CFAP57: variants seen among roughly 807,000 people sequenced by gnomAD.
CFAP57 encodes the protein cilia and flagella associated protein 57.
In CFAP57, 116 loss-of-function variants were observed where a neutral mutation model predicts 146.8. That is an observed-to-expected ratio of 0.79 (90% CI 0.68 to 0.92). The LOEUF (loss-of-function observed/expected upper bound fraction) is 0.92, where lower values mean the gene tolerates loss of function less well. Ranked by LOEUF, CFAP57 falls within the 40% of genes least tolerant of loss-of-function variation. The pLI, the probability that CFAP57 is intolerant of heterozygous loss-of-function variation, is 0.00. For synonymous variants in CFAP57, 518 were observed against 552.8 expected (o/e 0.94, Z 0.88); for missense variants, 1,377 against 1,527.2 (o/e 0.90, Z 1.64).
intron 6 of CFAP57, among the ~76,000 whole-genome samples, chr1:43,193,051 A>G (rs1643645456): frequency 6.6e-6 from 1 of 152,166 alleles, no homozygotes; most frequent in Non-Finnish European, 1.5e-5. Context: ...CTCTATTTTT[A>G]GGTGCACATA....
Position 43,219,547 on chromosome 1 carries a change from A to C in CFAP57, c.2247+10A>C. On this transcript the variant is annotated intron_variant, in intron 13 of 22. Transcript: ENST00000372492. ...GAAAACAAAAAACCAGGTCTGTTTAAGAGACTGACCAACAAGCACAAATAA... is the reference window on the plus strand; with the variant it reads ...GAAAACAAAAAACCAGGTCTGTTTACGAGACTGACCAACAAGCACAAATAA... 1 of 1,550,398 alleles carries C rather than the reference A, an allele frequency of 6.4e-7. No homozygotes were observed. The highest frequency in any genetic ancestry group is 8.7e-7 in the Non-Finnish European group (1 of 1,146,922).
At chr1:43,192,876 G>A (rs967401552) in intron 6 of CFAP57, among the ~76,000 whole-genome samples, 14 of 149,214 alleles carry the variant, frequency 9.4e-5, no homozygotes, top group Admixed American at 2.0e-4. Flanking sequence ...GCGGTGAGCC[G>A]AGATCATGCC....
chr1:43,210,422 C>G, intron 11 of CFAP57: 9 of 1,178,432 alleles, frequency 7.6e-6, no homozygotes, highest in Non-Finnish European at 9.5e-6. Context: ...TGGAAGCAAC[C>G]AAGCATCCAT....
rs569774728 is a variant in CFAP57, at chr1:43,222,873, A to T, written c.2582A>T (p.Lys861Met). ...QQLREFEETK[K>M]QIEEDEDREI... The stretch of plus-strand genomic sequence containing the variant: ...CTGCGGGAGTTTGAAGAGACCAAGA[A>T]GCAGATTGAGGAAGATGAAGACCGA... The change falls in exon 16 of 23, where the codon AAG (lysine) becomes ATG (methionine). Residue 861 changes from lysine to methionine, a missense_variant. By Grantham distance (95) the Lys-to-Met change is moderately conservative. Transcript: ENST00000372492. 210 of 1,550,304 alleles carry T rather than the reference A, an allele frequency of 1.4e-4. 1 individual carries two copies. The South Asian group carries it at 1.6e-3, about 12-fold the overall frequency.
In CFAP57 at chr1:43,234,301, T is replaced by C; in HGVS notation, c.3149T>C (p.Val1050Ala). The change falls in exon 20 of 23, where the codon GTC becomes GCC. Residue 1050 changes from valine to alanine, a missense_variant. Physicochemically the swap from Val to Ala is moderately conservative, Grantham distance 64. Transcript: ENST00000372492. ...RQKERDLEAL[V>A]KRFKTDLHNC... is the part of the protein sequence containing the mutation. ...CAGGAGCGAGACTTGGAAGCGCTGGTCAAAAGGTTTAAAACAGACCTCCAC... is the reference window on the plus strand; with the variant it reads ...CAGGAGCGAGACTTGGAAGCGCTGGCCAAAAGGTTTAAAACAGACCTCCAC... 1 of 1,547,172 alleles carries C rather than the reference T, an allele frequency of 6.5e-7. No homozygotes were observed. Among genetic ancestry groups the C allele is most frequent in the Non-Finnish European group, 8.7e-7 (1 of 1,145,920 alleles).
At chr1:43,224,875 G>A (rs1645185421) in intron 17 of CFAP57, among the ~76,000 whole-genome samples, 1 of 152,140 alleles carries the variant, frequency 6.6e-6, no homozygotes, top group Admixed American at 6.5e-5. Flanking sequence ...ACTAGGTCTG[G>A]CACAGGTTCC....
chr1:43,197,119 C>G (rs1643895665), intron 6 of CFAP57, among the ~76,000 whole-genome samples: 1 of 151,968 alleles, frequency 6.6e-6, no homozygotes, highest in African/African-American at 2.4e-5. Context: ...TTTGGGAGGC[C>G]AAGGTGGGCG....
At chr1:43,172,554 G>T in intron 1 of CFAP57, 101 bp downstream of exon 1, 1 of 889,632 alleles carries the variant, frequency 1.1e-6, no homozygotes, top group East Asian at 3.2e-5. Flanking sequence ...TGGCGCGGAG[G>T]AGGACCCCGG....
At position 43,199,513 on chromosome 1, in the gene CFAP57, T is replaced by C; in HGVS notation, c.1542+10T>C. 2 of 1,613,330 alleles carry C rather than the reference T, an allele frequency of 1.2e-6. No individual in the cohort carries two copies. Among genetic ancestry groups the C allele is most frequent in the East Asian group, 2.2e-5 (1 of 44,864 alleles). On this transcript the variant is annotated intron_variant, in intron 9 of 22. Coordinates refer to ENST00000372492, the MANE Select transcript of CFAP57 (RefSeq NM_001378189.1). ...AGGACACACAGGGAAGGTAAGTGAGTGAACAGTCTCTGGGGAAACAAGGGG... is the reference window on the plus strand; with the variant it reads ...AGGACACACAGGGAAGGTAAGTGAGCGAACAGTCTCTGGGGAAACAAGGGG...
intron 2 of CFAP57, 81 bp from the exon 3 acceptor site, chr1:43,181,453 C>T: frequency 2.0e-6 from 3 of 1,527,138 alleles, no homozygotes; most frequent in Admixed American, 3.5e-5. Flanking sequence ...CACTCCAGTG[C>T]CCACCACAGT....
At chr1:43,213,449 C>G (rs150263284) in intron 11 of CFAP57, among the ~76,000 whole-genome samples, 1 of 150,968 alleles carries the variant, frequency 6.6e-6, no homozygotes, top group South Asian at 2.1e-4. Flanking sequence ...CATTCATCCA[C>G]TGATGGACAC....
chr1:43,232,672 C>T (rs536412599), intron 19 of CFAP57, 48 bp downstream of exon 19: 17 of 1,404,774 alleles, frequency 1.2e-5, no homozygotes, highest in Non-Finnish European at 1.5e-5. Context: ...GGATCTGGCA[C>T]CTATCTGCAA....
rs759490412 is a variant in CFAP57 at position 43,224,037 on chromosome 1, C to T, written c.2707-9C>T. The stretch of plus-strand genomic sequence containing the variant: ...TAGTGGTCTTTGTTGTTGCTGTTCG[C>T]TTTTCTAGTTCAGCAGCCTACAGAA... On this transcript the variant is annotated splice_polypyrimidine_tract_variant and intron_variant, in intron 16 of 22. Coordinates refer to ENST00000372492, the MANE Select transcript of CFAP57 (RefSeq NM_001378189.1). 6.5e-7 allele frequency: 1 copy of T among 1,550,128 alleles called. No individual in the cohort carries two copies. The highest frequency in any genetic ancestry group is 2.0e-5 in the Admixed American group (1 of 50,942).
At chr1:43,237,759 A>C (rs1328973468) in intron 21 of CFAP57, among the ~76,000 whole-genome samples, 1 of 152,152 alleles carries the variant, frequency 6.6e-6, no homozygotes, top group East Asian at 1.9e-4. Context: ...CCAAGTGGAG[A>C]AGAACCCACT....
At chr1:43,235,830 T>C (rs928635886) in intron 21 of CFAP57, among the ~76,000 whole-genome samples, 1 of 152,162 alleles carries the variant, frequency 6.6e-6, no homozygotes, top group African/African-American at 2.4e-5. Flanking sequence ...GCAGGAGCAG[T>C]TGTCAGCTGC....
chr1:43,210,118 A>G (rs1644537555), intron 11 of CFAP57: 1 of 1,610,778 alleles, frequency 6.2e-7, no homozygotes, highest in Non-Finnish European at 8.5e-7. Context: ...GGAAATCATC[A>G]GAGATACACC....
chr1:43,180,555 A>C (rs1645362074), intron 2 of CFAP57, among the ~76,000 whole-genome samples: 1 of 151,920 alleles, frequency 6.6e-6, no homozygotes, highest in South Asian at 2.1e-4. Context: ...GCTTCACAAC[A>C]CGCCAAGGAG....
At chr1:43,187,993 A>G (rs1047544507) in intron 6 of CFAP57, among the ~76,000 whole-genome samples, 6 of 152,036 alleles carry the variant, frequency 3.9e-5, no homozygotes, top group African/African-American at 1.4e-4. Context: ...TAGTAGAGAC[A>G]GGGTTTTGCC....
intron 9 of CFAP57, among the ~76,000 whole-genome samples, chr1:43,205,607 C>T (rs1248649096): frequency 6.6e-6 from 1 of 152,188 alleles, no homozygotes; most frequent in Non-Finnish European, 1.5e-5. Context: ...CAGTTATTCT[C>T]AGTATGCTGA....
Sources: gnomAD v4.1 joint callset for allele counts (sites outside exome capture counted in the v4.1 genomes callset) on GRCh38, gnomAD v4.1.1 for gene constraint, MANE v1.5 for transcripts, NCBI Gene and HGNC (gene_info 2026-07-23, HGNC 2026-07-21) for gene names.